Variants in CTNNBL1 observed in about 807,000 individuals in gnomAD.
CTNNBL1 encodes the protein catenin beta like 1.
A neutral mutation model predicts 72.7 loss-of-function variants in CTNNBL1; 31 were observed. The observed-to-expected ratio is 0.43, with a 90% CI of 0.32 to 0.58. The LOEUF is 0.58. Among genes scored for constraint, CTNNBL1 ranks in the 20% least tolerant of loss-of-function variants. CTNNBL1 has a pLI of 0.08. For missense variants in CTNNBL1, 534 were observed against 725.1 expected, an observed-to-expected ratio of 0.74 and a Z score of 3.03; for synonymous variants, 240 against 267.3, an observed-to-expected ratio of 0.90 and a Z score of 1.00.
intron 1 of CTNNBL1, among the ~76,000 whole-genome samples, chr20:37,700,689 C>A (rs986938172): frequency 1.3e-5 from 2 of 152,230 alleles, no homozygotes; most frequent in Non-Finnish European, 2.9e-5. Context: ...CTGGCATAGG[C>A]GCATATATGA....
intron 11 of CTNNBL1, among the ~76,000 whole-genome samples, chr20:37,806,795 A>G (rs1019729233): frequency 6.6e-6 from 1 of 152,220 alleles, no homozygotes; most frequent in African/African-American, 2.4e-5. Context: ...AAGGCCAATC[A>G]TCTGTCCAAT....
chr20:37,863,981 C>T (rs2122869334), intron 15 of CTNNBL1, among the ~76,000 whole-genome samples: 1 of 152,328 alleles, frequency 6.6e-6, no homozygotes, highest in Middle Eastern at 3.4e-3. Flanking sequence ...CAGTCTGCAG[C>T]AGGGTGTGGA....
intron 10 of CTNNBL1, among the ~76,000 whole-genome samples, chr20:37,791,690 T>C (rs6512695): frequency 0.1 from 15,495 of 152,232 alleles, 1,163 homozygotes; most frequent in African/African-American, 0.21. Context: ...CTGCCTCCTA[T>C]AAGGTCAGCA....
intron 1 of CTNNBL1, chr20:37,727,441 G>A (rs776951426): frequency 2.4e-5 from 17 of 702,208 alleles, no homozygotes; most frequent in Non-Finnish European, 3.0e-5. Context: ...GCTACCAGCT[G>A]TGTGGTTGGA....
At chr20:37,759,963 G>A (rs1486068400) in intron 5 of CTNNBL1, among the ~76,000 whole-genome samples, 4 of 152,228 alleles carry the variant, frequency 2.6e-5, no homozygotes, top group Non-Finnish European at 5.9e-5. Flanking sequence ...TTATTGTGGT[G>A]TGCAGTTTGC....
At chr20:37,796,003 T>C (rs1036293565) in intron 10 of CTNNBL1, among the ~76,000 whole-genome samples, 1 of 152,112 alleles carries the variant, frequency 6.6e-6, no homozygotes, top group Non-Finnish European at 1.5e-5. Context: ...TTTTGAGACT[T>C]ACTTTTAAGC....
intron 13 of CTNNBL1, among the ~76,000 whole-genome samples, chr20:37,857,425 G>A (rs2072452568): frequency 6.6e-6 from 1 of 152,202 alleles, no homozygotes; most frequent in Non-Finnish European, 1.5e-5. Context: ...CCAGGCCAAA[G>A]CTCTGATAAG....
chr20:37,746,515 A>T lies in CTNNBL1; in HGVS notation c.374A>T (p.His125Leu), dbSNP rs2073264287. ...LDLNDIIQEM[H>L]VVATMPDLYH... ...CTAAATGACATCATTCAGGAGATGCACGTGGTGGCCACCATGCCAGACCTG... is the reference window on the plus strand; with the variant it reads ...CTAAATGACATCATTCAGGAGATGCTCGTGGTGGCCACCATGCCAGACCTG... Residue 125 changes from histidine (H) to leucine (L), a missense_variant, in exon 4 of 16, where the codon CAC (histidine) becomes CTC (leucine). Physicochemically the swap from His to Leu is moderately conservative, Grantham distance 99. Transcript: ENST00000361383. 2 of 1,613,974 alleles carry T rather than the reference A, an allele frequency of 1.2e-6. No homozygotes were observed. The highest frequency in any genetic ancestry group is 1.7e-6 in the Non-Finnish European group (2 of 1,179,984).
At chr20:37,723,224 G>T (rs1056166790) in intron 1 of CTNNBL1, among the ~76,000 whole-genome samples, 1 of 152,214 alleles carries the variant, frequency 6.6e-6, no homozygotes, top group South Asian at 2.1e-4. Context: ...TAATTTTTTG[G>T]TAGGAAAAAT....
chr20:37,843,004 C>T (rs2072317817), intron 13 of CTNNBL1, among the ~76,000 whole-genome samples: 1 of 152,190 alleles, frequency 6.6e-6, no homozygotes, highest in African/African-American at 2.4e-5. Flanking sequence ...GATGTTTTTT[C>T]TGGAGGGGCT....
intron 10 of CTNNBL1, among the ~76,000 whole-genome samples, chr20:37,794,299 A>T (rs988277450): frequency 1.3e-5 from 2 of 151,812 alleles, no homozygotes; most frequent in Non-Finnish European, 2.9e-5. Context: ...TGACTAAAAA[A>T]ATATTTGCCT....
chr20:37,777,676 G>T lies in CTNNBL1; in HGVS notation c.846G>T (p.Glu282Asp), dbSNP rs2073588263. 6.2e-7 allele frequency: 1 copy of T among 1,613,648 alleles called. No homozygotes were observed. The highest frequency in any genetic ancestry group is 1.3e-5 in the African/African-American group (1 of 74,886). Residue 282 changes from glutamate to aspartate, a missense_variant, in exon 9 of 16, where the codon GAG becomes GAT. Transcript: ENST00000361383. The part of the protein sequence containing the change: ...DNDENRELLG[E>D]LDGIDVLLQQ... ...TAGAAAACAGGGAATTGCTTGGGGA[G>T]CTGGATGGAATCGATGTGCTTCTTC...
intron 13 of CTNNBL1, among the ~76,000 whole-genome samples, chr20:37,854,769 A>G (rs1033006137): frequency 6.6e-6 from 1 of 151,862 alleles, no homozygotes; most frequent in Non-Finnish European, 1.5e-5. Context: ...TTGAATTTTT[A>G]GTAGAAACAG....
intron 15 of CTNNBL1, among the ~76,000 whole-genome samples, chr20:37,864,517 G>A (rs1183267164): frequency 6.6e-6 from 1 of 152,106 alleles, no homozygotes; most frequent in Non-Finnish European, 1.5e-5. Flanking sequence ...TATTGGGGGT[G>A]CCAAGAGCGC....
intron 15 of CTNNBL1, among the ~76,000 whole-genome samples, chr20:37,869,082 A>G (rs1346515428): frequency 2.6e-5 from 4 of 152,192 alleles, no homozygotes; most frequent in African/African-American, 9.7e-5. Context: ...AAGGGGCCTT[A>G]ATAGGAGGCA....
chr20:37,871,203 G>C (rs148127211), intron 15 of CTNNBL1, among the ~76,000 whole-genome samples: 53 of 152,296 alleles, frequency 3.5e-4, no homozygotes, highest in African/African-American at 1.1e-3. Context: ...TTTCTAGTAA[G>C]TTTCCATGCA....
intron 5 of CTNNBL1, among the ~76,000 whole-genome samples, chr20:37,759,404 C>T (rs994981297): frequency 2.0e-5 from 3 of 152,018 alleles, no homozygotes; most frequent in African/African-American, 2.4e-5. Context: ...ATAGGGAAGA[C>T]GAGAGAGGAA....
intron 1 of CTNNBL1, among the ~76,000 whole-genome samples, chr20:37,711,413 A>C (rs1677567471): frequency 6.6e-6 from 1 of 151,756 alleles, no homozygotes; most frequent in Admixed American, 6.6e-5. Context: ...TCATTCTTTA[A>C]TCATTCCATA....
chr20:37,722,187 A>G (rs2073046433), intron 1 of CTNNBL1, among the ~76,000 whole-genome samples: 1 of 152,158 alleles, frequency 6.6e-6, no homozygotes, highest in Non-Finnish European at 1.5e-5. Context: ...AGTTATTTAA[A>G]GTCTGGTCAG....
Sources: gnomAD v4.1 joint callset for allele counts (sites outside exome capture counted in the v4.1 genomes callset) on GRCh38, gnomAD v4.1.1 for gene constraint, MANE v1.5 for transcripts, NCBI Gene and HGNC (gene_info 2026-07-23, HGNC 2026-07-21) for gene names.